The following DPRX variants were observed in gnomAD, a reference collection of about 807,000 sequenced individuals.
DPRX encodes the protein divergent paired-related homeobox.
A neutral mutation model predicts 8.4 loss-of-function variants in DPRX; 11 were observed. That is an observed-to-expected ratio of 1.31 (90% CI 0.82 to 2.17). DPRX has a LOEUF of 2.17. Ranked by LOEUF, DPRX falls within the 30% of genes most tolerant of loss-of-function variation. DPRX has a pLI of 0.00. For missense variants in DPRX, 211 were observed against 236.7 expected (o/e 0.89, Z 0.71); for synonymous variants, 72 against 87.0 (o/e 0.83, Z 0.96).
chr19:53,616,894 A>G, the DPRX span: 6 of 1,490,446 alleles, frequency 4.0e-6, no homozygotes, highest in Non-Finnish European at 5.6e-6. Context: ...GCCGTTGGCC[A>G]TGACTATGTA....
At chr19:53,602,717 T>C in the DPRX span, among the ~76,000 whole-genome samples, 1 of 151,826 alleles carries the variant, frequency 6.6e-6, no homozygotes, top group Admixed American at 6.6e-5. Context: ...GTATTTTTAG[T>C]AGAGATGGGG....
intron 1 of DPRX, among the ~76,000 whole-genome samples, chr19:53,633,616 T>A (rs1369807794): frequency 6.6e-6 from 1 of 152,056 alleles, no homozygotes; most frequent in Non-Finnish European, 1.5e-5. Context: ...TTCAAGCGAT[T>A]CTCCTGCCTC....
At chr19:53,602,228 G>A in the DPRX span, 737 of 427,658 alleles carry the variant, frequency 1.7e-3, 5 homozygotes, top group African/African-American at 0.012. Flanking sequence ...TGAAGATCTC[G>A]GGCCACATCC....
the DPRX span, among the ~76,000 whole-genome samples, chr19:53,605,422 G>T: frequency 1.3e-5 from 2 of 150,340 alleles, no homozygotes; most frequent in African/African-American, 2.5e-5. Context: ...TGTCGCTCAG[G>T]CTGGAGGGCA....
the DPRX span, among the ~76,000 whole-genome samples, chr19:53,618,013 GCA>G: frequency 2.6e-5 from 4 of 151,348 alleles, no homozygotes; most frequent in Non-Finnish European, 5.9e-5. Flanking sequence ...TGGTGGCGGG[GCA>G]CCTGTAATCC....
At chr19:53,615,640 T>C in the DPRX span, among the ~76,000 whole-genome samples, 4 of 152,142 alleles carry the variant, frequency 2.6e-5, no homozygotes, top group Non-Finnish European at 5.9e-5. Context: ...TGCTATTATG[T>C]TATGGGAAAT....
At chr19:53,624,750 G>A in the DPRX span, among the ~76,000 whole-genome samples, 2 of 148,276 alleles carry the variant, frequency 1.3e-5, no homozygotes, top group Admixed American at 7.0e-5. Context: ...ACTGAGGCAC[G>A]AGAATCGCTT....
At chr19:53,627,012 C>G in the DPRX span, among the ~76,000 whole-genome samples, 1 of 152,012 alleles carries the variant, frequency 6.6e-6, no homozygotes, top group Non-Finnish European at 1.5e-5. Context: ...ATCTTGACTT[C>G]TCAGCCTCCA....
At chr19:53,623,310 A>T in the DPRX span, among the ~76,000 whole-genome samples, 2 of 133,936 alleles carry the variant, frequency 1.5e-5, no homozygotes, top group African/African-American at 2.7e-5. Context: ...CTGTCTCAAA[A>T]AAATAAATAA....
chr19:53,620,242 T>TG, the DPRX span, among the ~76,000 whole-genome samples: 2 of 151,944 alleles, frequency 1.3e-5, no homozygotes, highest in African/African-American at 4.8e-5. Flanking sequence ...GCTGTTTTTT[T>TG]GTATTTTTAG....
chr19:53,621,678 G>A, the DPRX span, among the ~76,000 whole-genome samples: 22 of 151,952 alleles, frequency 1.4e-4, no homozygotes, highest in Non-Finnish European at 3.1e-4. Context: ...CCAGCTGCTA[G>A]GGAGGTTGAG....
At position 53,633,312 on chromosome 19, in the gene DPRX, G is replaced by A. The variant is rs114333070; in HGVS notation, c.28+1178G>A. 4.8e-3 allele frequency among the ~76,000 whole-genome samples: 725 copies of A among 152,202 alleles called. 6 individuals are homozygous for A. The highest frequency in any genetic ancestry group is 0.017 in the African/African-American group (696 of 41,526). On this transcript the variant is annotated intron_variant, in intron 1 of 2. Transcript: ENST00000376650. ...AAAGAAAGTAAAAGGTGACATCCGTGACAGCAGTGATGTTATTTTTCTGCT... is the reference window on the plus strand; with the variant it reads ...AAAGAAAGTAAAAGGTGACATCCGTAACAGCAGTGATGTTATTTTTCTGCT...
upstream of DPRX, among the ~76,000 whole-genome samples, chr19:53,627,090 T>C (rs1412168086): frequency 6.6e-6 from 1 of 152,122 alleles, no homozygotes; most frequent in African/African-American, 2.4e-5. Flanking sequence ...TTTCCAGCCC[T>C]ATTTGCGCAG....
At chr19:53,610,648 C>T in the DPRX span, among the ~76,000 whole-genome samples, 2 of 152,182 alleles carry the variant, frequency 1.3e-5, no homozygotes, top group Non-Finnish European at 1.5e-5. Context: ...GTCCAACCAG[C>T]GGCCCATAGG....
chr19:53,629,222 G>T (rs2091082112), upstream of DPRX, among the ~76,000 whole-genome samples: 1 of 150,350 alleles, frequency 6.7e-6, no homozygotes, highest in Non-Finnish European at 1.5e-5. Flanking sequence ...ACTGAGGCAT[G>T]AGAATCACTT....
At chr19:53,629,446 T>C (rs1331044148), upstream of DPRX, among the ~76,000 whole-genome samples, 1 of 151,632 alleles carries the variant, frequency 6.6e-6, no homozygotes, top group African/African-American at 2.4e-5. Context: ...AATTTTATTT[T>C]AGTTTTTGAA....
At chr19:53,602,619 G>A in the DPRX span, among the ~76,000 whole-genome samples, 44 of 150,948 alleles carry the variant, frequency 2.9e-4, no homozygotes, top group African/African-American at 8.8e-4. Flanking sequence ...CTGGAAACTC[G>A]GCCTCTCCGG....
the DPRX span, chr19:53,616,777 C>T: frequency 4.6e-6 from 7 of 1,536,638 alleles, no homozygotes; most frequent in South Asian, 1.2e-5. Flanking sequence ...AAAATAGAGG[C>T]CGAGAATGGC....
chr19:53,610,075 T>A, the DPRX span, among the ~76,000 whole-genome samples: 1 of 141,940 alleles, frequency 7.0e-6, no homozygotes, highest in Non-Finnish European at 1.5e-5. Flanking sequence ...CACTTGAACC[T>A]GGGAGGCAGA....
Sources: gnomAD v4.1 joint callset for allele counts (sites outside exome capture counted in the v4.1 genomes callset) on GRCh38, gnomAD v4.1.1 for gene constraint, MANE v1.5 for transcripts, NCBI Gene and HGNC (gene_info 2026-07-23, HGNC 2026-07-21) for gene names.